Variants in SKIL observed in about 807,000 individuals in gnomAD.
SKIL encodes ski-like protein.
SKIL carries 20 observed loss-of-function variants against 69.6 expected under a neutral mutation model. That is an observed-to-expected ratio of 0.29 (90% confidence interval 0.20 to 0.42). The LOEUF is 0.42. Among genes scored for constraint, SKIL ranks in the 10% least tolerant of loss-of-function variants. The pLI is 1.00. For synonymous variants in SKIL, 310 were observed against 279.9 expected (o/e 1.11, Z -1.08); for missense variants, 745 against 783.1 (o/e 0.95, Z 0.58).
intron 2 of SKIL, among the ~76,000 whole-genome samples, chr3:170,370,449 C>T (rs200309851): frequency 1.2e-4 from 5 of 40,664 alleles, no homozygotes; most frequent in Non-Finnish European, 3.4e-4. Context: ...GCCCCCCCCC[C>T]CCCCCCGAGC....
intron 4 of SKIL, among the ~76,000 whole-genome samples, chr3:170,387,781 A>AAAAAAC (rs1301997952): frequency 2.1e-5 from 3 of 141,968 alleles, no homozygotes; most frequent in Non-Finnish European, 3.1e-5. Context: ...AAAATACAAA[A>AAAAAAC]AAATTAGCCG....
Position 170,361,434 on chromosome 3 carries a change from G to A in SKIL, c.1098+5G>A. 1 of 1,542,194 alleles carries A rather than the reference G, an allele frequency of 6.5e-7. No homozygotes were observed. Reference sequence around the variant, plus strand: ...GGAAAGAGAAATCAATCCAAGGCAAGTTTTTTATATCAATTTTTAATAATG... The same window carrying A: ...GGAAAGAGAAATCAATCCAAGGCAAATTTTTTATATCAATTTTTAATAATG... On this transcript the variant is annotated splice_donor_5th_base_variant and intron_variant, in intron 2 of 6. Transcript: ENST00000259119.
At position 170,379,539 on chromosome 3, in the gene SKIL, T is replaced by C. The variant is rs188722927; in HGVS notation, c.1099-1705T>C. Reference sequence around the variant, plus strand: ...AGGTAATTTCGTATAATAGGAAATATGTAGGGGATGAAGGGAGGACAAAGT... The same window carrying C: ...AGGTAATTTCGTATAATAGGAAATACGTAGGGGATGAAGGGAGGACAAAGT... On this transcript the variant is annotated intron_variant, in intron 2 of 6. Transcript: ENST00000259119. 7.2e-4 allele frequency among the ~76,000 whole-genome samples: 109 copies of C among 152,282 alleles called. 1 individual carries two copies. The highest frequency in any genetic ancestry group is 2.4e-3 in the African/African-American group (101 of 41,562).
intron 2 of SKIL, among the ~76,000 whole-genome samples, chr3:170,373,128 C>G (rs1359808867): frequency 6.6e-6 from 1 of 151,730 alleles, no homozygotes; most frequent in African/African-American, 2.4e-5. Context: ...CCCTCGGTAG[C>G]TGGGACTACA....
chr3:170,378,173 G>A (rs1248131859), intron 2 of SKIL, among the ~76,000 whole-genome samples: 1 of 152,110 alleles, frequency 6.6e-6, no homozygotes, highest in African/African-American at 2.4e-5. Flanking sequence ...TTACAGGCGT[G>A]AGCCACTGTG....
chr3:170,367,480 A>G (rs1207911881), intron 2 of SKIL, among the ~76,000 whole-genome samples: 2 of 10,114 alleles, frequency 2.0e-4, no homozygotes, highest in African/African-American at 3.2e-4. Context: ...TTTTTTTTTA[A>G]ATTGAGATGG....
chr3:170,377,996 C>T lies in SKIL; in HGVS notation c.1099-3248C>T, dbSNP rs1172604802. On this transcript the variant is annotated intron_variant, in intron 2 of 6. Coordinates refer to ENST00000259119, the MANE Select transcript of SKIL (RefSeq NM_005414.5). ...GCAATCTCCACCTCCCAGGTTCAAG[C>T]GATTCTCCTGCCTCAGCCTCCTGAG... Among the ~76,000 whole-genome samples, 18 of 152,158 alleles carry T rather than the reference C, an allele frequency of 1.2e-4. 1 individual carries two copies. Among genetic ancestry groups the T allele is most frequent in the Admixed American group, 3.3e-4 (5 of 15,278 alleles).
Position 170,391,236 on chromosome 3 carries a change from C to G in SKIL, c.1872C>G (p.Asp624Glu), listed in dbSNP as rs753639129. Residue 624 changes from aspartate to glutamate, a missense_variant, in exon 6 of 7, where the codon GAC (aspartate) becomes GAG (glutamate). Coordinates refer to ENST00000259119, the MANE Select transcript of SKIL (RefSeq NM_005414.5). ...KCTCDSNLEK[D>E]KEAEYAGQLA... ...CCTGTGACTCAAATTTAGAAAAAGACAAAGAGGCTGAATATGCAGGACAGG... is the reference window on the plus strand; with the variant it reads ...CCTGTGACTCAAATTTAGAAAAAGAGAAAGAGGCTGAATATGCAGGACAGG... 2.5e-6 allele frequency: 4 copies of G among 1,605,510 alleles called. No homozygotes were observed. Among genetic ancestry groups the G allele is most frequent in the Non-Finnish European group, 2.6e-6 (3 of 1,173,496 alleles).
chr3:170,366,696 G>GACACACAGACACACACACAC (rs57637265), intron 2 of SKIL, among the ~76,000 whole-genome samples: 1 of 147,580 alleles, frequency 6.8e-6, no homozygotes, highest in Admixed American at 6.7e-5. Flanking sequence ...CACACACACA[G>GACACACAGACACACACACAC]ACACACACAC....
At chr3:170,364,373 G>A (rs1736398624) in intron 2 of SKIL, among the ~76,000 whole-genome samples, 1 of 129,104 alleles carries the variant, frequency 7.7e-6, no homozygotes, top group Non-Finnish European at 1.6e-5. Context: ...GCCCAGGCTG[G>A]AGTACAATGG....
intron 2 of SKIL, among the ~76,000 whole-genome samples, chr3:170,375,632 G>A (rs980590889): frequency 2.0e-5 from 3 of 151,998 alleles, no homozygotes; most frequent in African/African-American, 7.3e-5. Flanking sequence ...GCAGTGCAGT[G>A]GCAGGATCAT....
At chr3:170,379,358 C>T (rs556576118) in intron 2 of SKIL, among the ~76,000 whole-genome samples, 91 of 152,192 alleles carry the variant, frequency 6.0e-4, no homozygotes, top group Non-Finnish European at 1.1e-3. Context: ...CGTTCCTAAT[C>T]GCATTCTCCC....
Position 170,395,061 on chromosome 3 carries a change from G to C in SKIL, c.*2644G>C, listed in dbSNP as rs1298187700. On this transcript the variant is annotated 3_prime_UTR_variant, in exon 7 of 7. Coordinates refer to ENST00000259119, the MANE Select transcript of SKIL (RefSeq NM_005414.5). ...TTTATTCTAAAAAGCTGCATTAAAGGGACAACCTATAAAAAGTTTTGCTAG... is the reference window on the plus strand; with the variant it reads ...TTTATTCTAAAAAGCTGCATTAAAGCGACAACCTATAAAAAGTTTTGCTAG... 2 of 152,076 alleles carry C rather than the reference G, an allele frequency of 1.3e-5. No homozygotes were observed. The highest frequency in any genetic ancestry group is 2.9e-5 in the Non-Finnish European group (2 of 67,986). 9.4% of individuals were successfully genotyped at this position (152,076 alleles called of 1,614,324 possible). A position where few individuals can be genotyped will look rare whatever the true frequency, so the allele number is the denominator to read the frequency against.
chr3:170,389,316 CTTTT>C, intron 4 of SKIL, among the ~76,000 whole-genome samples: 1 of 137,094 alleles, frequency 7.3e-6, no homozygotes, highest in East Asian at 2.1e-4. Context: ...TTATTCTTTC[CTTTT>C]TTTTTTTTTT....
rs1343630832 is a variant in SKIL, at chr3:170,396,020, T to C, written c.*3603T>C. 63 of 151,812 alleles carry C rather than the reference T, an allele frequency of 4.1e-4. 1 individual carries two copies. The highest frequency in any genetic ancestry group is 3.6e-3 in the Admixed American group (55 of 15,252). The allele number at this position is 151,812 out of a possible 1,614,324, so 9.4% of individuals were successfully genotyped here. A position where few individuals can be genotyped will look rare whatever the true frequency, so the allele number is the denominator to read the frequency against. ...TCATTTAAAAGGACAGTTTTTTTTT[T>C]TTTTTTGTAAATCCATTCATTGAAA... On this transcript the variant is annotated 3_prime_UTR_variant, in exon 7 of 7. Transcript: ENST00000259119.
chr3:170,362,710 G>A (rs1190650061), intron 2 of SKIL, among the ~76,000 whole-genome samples: 1 of 151,518 alleles, frequency 6.6e-6, no homozygotes, highest in Non-Finnish European at 1.5e-5. Context: ...AGCTACTTGG[G>A]AGGCTGAGCC....
chr3:170,368,368 C>A (rs984347386), intron 2 of SKIL, among the ~76,000 whole-genome samples: 1 of 152,098 alleles, frequency 6.6e-6, no homozygotes, highest in Non-Finnish European at 1.5e-5. Flanking sequence ...GAACCGAGTT[C>A]AAAGCCTGGC....
Position 170,360,065 on chromosome 3 carries a change from C to A in SKIL, c.-267C>A, listed in dbSNP as rs1330120407. 3 of 330,602 alleles carry A rather than the reference C, an allele frequency of 9.1e-6. No individual in the cohort carries two copies. The highest frequency in any genetic ancestry group is 8.2e-5 in the South Asian group (1 of 12,142). 20.5% of individuals were successfully genotyped at this position (330,602 alleles called of 1,614,324 possible). On this transcript the variant is annotated 5_prime_UTR_variant, in exon 2 of 7. Transcript: ENST00000259119. ...TGTATATCTGAAGAATTCAAGAAAA[C>A]AAAGGCATCCTCAGAGGTGTGCCTC...
chr3:170,391,311 C>A, intron 6 of SKIL, 51 bp downstream of exon 6: 1 of 1,045,540 alleles, frequency 9.6e-7, no homozygotes. Context: ...GAAATGGAAA[C>A]TGTTACTTCT....
Sources: allele counts gnomAD v4.1 joint callset (sites outside exome capture counted in the v4.1 genomes callset), GRCh38; gene constraint gnomAD v4.1.1; transcripts MANE v1.5; gene names NCBI Gene and HGNC (gene_info 2026-07-23, HGNC 2026-07-21).